LEMD3: variants seen among roughly 807,000 people sequenced by gnomAD.
LEMD3 encodes the protein LEM domain containing 3, also known as inner nuclear membrane protein Man1.
A neutral mutation model predicts 95.2 loss-of-function variants in LEMD3; 33 were observed. The observed-to-expected ratio is 0.35, with a 90% CI of 0.26 to 0.46. The LOEUF (loss-of-function observed/expected upper bound fraction) is 0.46. Ranked by LOEUF, LEMD3 falls within the 20% of genes least tolerant of loss-of-function variation. The pLI is 1.00. For synonymous variants in LEMD3, 525 were observed against 474.6 expected (o/e 1.11, Z -1.38); for missense variants, 1,210 against 1,192.8 (o/e 1.01, Z -0.21).
intron 4 of LEMD3, among the ~76,000 whole-genome samples, chr12:65,220,014 A>G (rs1016643475): frequency 6.6e-6 from 1 of 152,226 alleles, no homozygotes; most frequent in African/African-American, 2.4e-5. Flanking sequence ...GAACATGGCA[A>G]TGCAAGTACT....
chr12:65,200,266 G>T (rs4762086), intron 1 of LEMD3, among the ~76,000 whole-genome samples: 1 of 152,102 alleles, frequency 6.6e-6, no homozygotes, highest in Non-Finnish European at 1.5e-5. Context: ...CAGGTAACCA[G>T]TGGGAAACCT....
chr12:65,214,184 C>T (rs1026733895), intron 2 of LEMD3, among the ~76,000 whole-genome samples: 1 of 152,120 alleles, frequency 6.6e-6, no homozygotes, highest in African/African-American at 2.4e-5. Flanking sequence ...CCTGCCTCAG[C>T]CTCCCAAGTA....
At chr12:65,245,391 G>A (rs964421635) in intron 10 of LEMD3, 57 of 364,696 alleles carry the variant, frequency 1.6e-4, no homozygotes, top group Admixed American at 4.2e-4. Flanking sequence ...CGCCTGCCTC[G>A]GCCTCTCAAA....
intron 1 of LEMD3, chr12:65,171,324 A>C: frequency 1.3e-6 from 1 of 797,584 alleles, no homozygotes; most frequent in Non-Finnish European, 1.9e-6. Context: ...AGTTTTCTGC[A>C]TGATGTATTG....
At chr12:65,240,379 T>G (rs1472671138) in intron 8 of LEMD3, 141 bp downstream of exon 8, 1 of 674,000 alleles carries the variant, frequency 1.5e-6, no homozygotes, top group East Asian at 2.7e-5. Context: ...GCTTTGTTTT[T>G]GTACTTTATA....
chr12:65,222,680 TCTG>T (rs1870328087), intron 4 of LEMD3, among the ~76,000 whole-genome samples: 1 of 152,084 alleles, frequency 6.6e-6, no homozygotes, highest in Non-Finnish European at 1.5e-5. Context: ...TTTCCTCCCT[TCTG>T]CTAATCTTAG....
At chr12:65,227,609 G>A (rs1430844264) in intron 4 of LEMD3, among the ~76,000 whole-genome samples, 1 of 152,068 alleles carries the variant, frequency 6.6e-6, no homozygotes, top group Admixed American at 6.6e-5. Flanking sequence ...AATGTAAATT[G>A]TATGTAAATA....
intron 1 of LEMD3, among the ~76,000 whole-genome samples, chr12:65,191,776 T>C (rs1869247030): frequency 6.6e-6 from 1 of 151,714 alleles, no homozygotes; most frequent in African/African-American, 2.4e-5. Context: ...AATTAAAAAA[T>C]TAGCTGGACG....
At chr12:65,175,689 C>T (rs180760903) in intron 1 of LEMD3, among the ~76,000 whole-genome samples, 1 of 152,272 alleles carries the variant, frequency 6.6e-6, no homozygotes, top group Admixed American at 6.5e-5. Context: ...CTTTTGCACA[C>T]ATTTCTCTAG....
chr12:65,247,882 A>T lies in LEMD3; in HGVS notation c.*1557A>T, dbSNP rs549193776. The T allele has an allele frequency of 6.6e-6, 1 of 152,570 alleles. No homozygotes were observed. Among genetic ancestry groups the T allele is most frequent in the Non-Finnish European group, 1.5e-5 (1 of 68,016 alleles). 9.5% of individuals were successfully genotyped at this position (152,570 alleles called of 1,614,324 possible). ...AAAAATGATTTGTTATCTGAAGAGA[A>T]TAAATTTTAAATTCTCAGTTTATGT... On this transcript the variant is annotated 3_prime_UTR_variant, in exon 13 of 13. Coordinates refer to ENST00000308330, the MANE Select transcript of LEMD3 (RefSeq NM_014319.5).
rs796733933 is a variant in LEMD3, at chr12:65,214,590, C to T, written c.1561-1387C>T. On this transcript the variant is annotated intron_variant, in intron 2 of 12. Coordinates refer to ENST00000308330, the MANE Select transcript of LEMD3 (RefSeq NM_014319.5). ...GCCACCCATAGTGTGCAAACATGTT[C>T]TCTTCTGTCCCTGCACATACACCAC... Among the ~76,000 whole-genome samples, 26 of 152,262 alleles carry T rather than the reference C, an allele frequency of 1.7e-4. No individual in the cohort carries two copies. The East Asian group carries it at 4.4e-3, about 26-fold the overall frequency.
chr12:65,187,442 A>G lies in LEMD3; in HGVS notation c.1522+16324A>G, dbSNP rs148109890. Reference sequence around the variant, plus strand: ...AAATTGAGGCCTAGGGAGGTTAAGAAACTCATCCAAAGTCAGTAAGTGGCA... The same window carrying G: ...AAATTGAGGCCTAGGGAGGTTAAGAGACTCATCCAAAGTCAGTAAGTGGCA... On this transcript the variant is annotated intron_variant, in intron 1 of 12. Coordinates refer to ENST00000308330, the MANE Select transcript of LEMD3 (RefSeq NM_014319.5). Among the ~76,000 whole-genome samples, 7 of 152,202 alleles carry G rather than the reference A, an allele frequency of 4.6e-5. No individual in the cohort carries two copies. The East Asian group carries it at 1.4e-3, about 29-fold the overall frequency.
chr12:65,231,725 A>AG (rs1246064446), intron 4 of LEMD3, among the ~76,000 whole-genome samples: 1 of 152,122 alleles, frequency 6.6e-6, no homozygotes, highest in East Asian at 1.9e-4. Context: ...GGAAAATGAA[A>AG]GGAAAAAAAG....
At chr12:65,225,084 T>A (rs552957273) in intron 4 of LEMD3, among the ~76,000 whole-genome samples, 1 of 152,290 alleles carries the variant, frequency 6.6e-6, no homozygotes, top group African/African-American at 2.4e-5. Flanking sequence ...TTCTGGGTTT[T>A]AAAAATATTT....
rs755257962 is a variant in LEMD3 at position 65,170,204 on chromosome 12, C to T, written c.608C>T (p.Ala203Val). 8.0e-6 allele frequency: 12 copies of T among 1,495,216 alleles called. No homozygotes were observed. The highest frequency in any genetic ancestry group is 1.8e-4 in the Middle Eastern group (1 of 5,662). The allele number at this position is 1,495,216 out of a possible 1,614,324, so 92.6% of individuals were successfully genotyped here. A position where few individuals can be genotyped will look rare whatever the true frequency, so the allele number is the denominator to read the frequency against. The change falls in exon 1 of 13, where the codon GCG (alanine) becomes GTG (valine). Residue 203 changes from alanine to valine, a missense_variant. Physicochemically the swap from Ala to Val is moderately conservative, Grantham distance 64. Coordinates refer to ENST00000308330, the MANE Select transcript of LEMD3 (RefSeq NM_014319.5). ...TCGTGGTGGGGGGCCAGGAGGCCGG[C>T]GGGCCCCGAGCTGCAGACCCCGCCG... Reference protein sequence around the residue: ...PHSWWGARRPAGPELQTPPGK... With the variant: ...PHSWWGARRPVGPELQTPPGK...
chr12:65,225,746 A>G (rs1465314252), intron 4 of LEMD3, among the ~76,000 whole-genome samples: 2 of 152,038 alleles, frequency 1.3e-5, no homozygotes, highest in Non-Finnish European at 2.9e-5. Flanking sequence ...ATGCCCAGCT[A>G]ATTTTTTGTA....
chr12:65,234,310 T>C (rs1352338553), intron 4 of LEMD3, among the ~76,000 whole-genome samples: 8 of 152,200 alleles, frequency 5.3e-5, no homozygotes, highest in Non-Finnish European at 1.2e-4. Context: ...AAGAAAAAGC[T>C]GACCAACCCC....
At chr12:65,191,883 C>T (rs1869251682) in intron 1 of LEMD3, among the ~76,000 whole-genome samples, 1 of 143,768 alleles carries the variant, frequency 7.0e-6, no homozygotes, top group South Asian at 2.2e-4. Flanking sequence ...CGAAATCGCA[C>T]CATTGCATTC....
At chr12:65,208,072 A>G (rs1017712758) in intron 1 of LEMD3, among the ~76,000 whole-genome samples, 5 of 152,106 alleles carry the variant, frequency 3.3e-5, no homozygotes, top group African/African-American at 1.2e-4. Context: ...GAGGATTCTA[A>G]TGAAACATTT....
Sources: gnomAD v4.1 joint callset for allele counts (sites outside exome capture counted in the v4.1 genomes callset) on GRCh38, gnomAD v4.1.1 for gene constraint, MANE v1.5 for transcripts, NCBI Gene and HGNC (gene_info 2026-07-23, HGNC 2026-07-21) for gene names.